Variants in PPA2 observed in about 807,000 individuals in gnomAD.
The protein encoded by PPA2 is inorganic pyrophosphatase 2.
PPA2 carries 48 observed loss-of-function variants against 49.5 expected under a neutral mutation model. That is an observed-to-expected ratio of 0.97 (90% confidence interval 0.77 to 1.23). The LOEUF is 1.23. PPA2 is among the 50% of genes most tolerant of loss of function. The probability of loss-of-function intolerance (pLI) is 0.00; values close to 1 mark genes in which losing one functional copy is unlikely to be tolerated. For missense variants in PPA2, 429 were observed against 410.1 expected, an observed-to-expected ratio of 1.05 and a Z score of -0.40; for synonymous variants, 131 against 139.9, an observed-to-expected ratio of 0.94 and a Z score of 0.45.
chr4:105,440,321 G>A (rs1222313003), intron 5 of PPA2, among the ~76,000 whole-genome samples: 1 of 69,848 alleles, frequency 1.4e-5, no homozygotes, highest in Non-Finnish European at 4.1e-5. Context: ...GAGTGCAGTG[G>A]CACGATCTTG....
intron 7 of PPA2, among the ~76,000 whole-genome samples, chr4:105,409,276 C>G (rs1033026718): frequency 1.9e-4 from 29 of 152,248 alleles, no homozygotes; most frequent in Admixed American, 1.6e-3. Flanking sequence ...AGGTCCCACA[C>G]CCACGGAGCC....
chr4:105,372,806 C>T (rs1430308356), intron 10 of PPA2, among the ~76,000 whole-genome samples: 1 of 152,184 alleles, frequency 6.6e-6, no homozygotes, highest in African/African-American at 2.4e-5. Context: ...TAATAAATCT[C>T]TTTCTGTATA....
At chr4:105,412,794 C>T (rs1180736480) in intron 7 of PPA2, among the ~76,000 whole-genome samples, 1 of 152,168 alleles carries the variant, frequency 6.6e-6, no homozygotes, top group Non-Finnish European at 1.5e-5. Context: ...TATCATCTCA[C>T]GCCAGTTAGA....
intron 9 of PPA2, among the ~76,000 whole-genome samples, chr4:105,390,200 A>G (rs754908471): frequency 2.0e-5 from 3 of 152,240 alleles, no homozygotes; most frequent in Non-Finnish European, 4.4e-5. Flanking sequence ...ACCCAAAACC[A>G]TACAAACCCT....
At chr4:105,468,028 G>T (rs1275073171) in intron 1 of PPA2, among the ~76,000 whole-genome samples, 1 of 152,202 alleles carries the variant, frequency 6.6e-6, no homozygotes, top group Non-Finnish European at 1.5e-5. Context: ...CAGAGCAACA[G>T]CAATGGTCAG....
chr4:105,433,130 T>A (rs546406756), intron 6 of PPA2, among the ~76,000 whole-genome samples: 3 of 152,220 alleles, frequency 2.0e-5, no homozygotes, highest in South Asian at 2.1e-4. Context: ...CCATTCTCAG[T>A]AAACAAAAAG....
rs1219410887 is a variant in PPA2 at position 105,382,981 on chromosome 4, C to T, written c.939+3586G>A. On this transcript the variant is annotated intron_variant, in intron 10 of 11. Transcript: ENST00000341695. The stretch of plus-strand genomic sequence containing the variant: ...TCATGCCACTGCACTCTAGCCTGGG[C>T]GGCAGAGCAAGACCCTGTGTCTCAA... Among the ~76,000 whole-genome samples the T allele has an allele frequency of 1.1e-4, 16 of 148,370 alleles. 1 individual carries two copies. In the South Asian group the frequency reaches 2.9e-3, roughly 27 times the overall value.
At chr4:105,396,367 A>C (rs1187267487) in intron 8 of PPA2, 33 bp from the exon 9 acceptor site, 3 of 1,422,472 alleles carry the variant, frequency 2.1e-6, no homozygotes, top group Non-Finnish European at 2.9e-6. Context: ...AAAAAGACGT[A>C]TTTAATATCA....
chr4:105,450,235 C>T (rs1035909718), intron 3 of PPA2, among the ~76,000 whole-genome samples: 3 of 152,128 alleles, frequency 2.0e-5, no homozygotes, highest in Non-Finnish European at 4.4e-5. Flanking sequence ...ACACTGTACT[C>T]CAAGTGTAGC....
chr4:105,452,195 T>C (rs1297342978), intron 3 of PPA2, among the ~76,000 whole-genome samples: 1 of 152,188 alleles, frequency 6.6e-6, no homozygotes, highest in African/African-American at 2.4e-5. Flanking sequence ...CCTGAAAATT[T>C]CAAATAAACT....
intron 1 of PPA2, among the ~76,000 whole-genome samples, chr4:105,466,362 T>A (rs932789042): frequency 6.6e-6 from 1 of 151,980 alleles, no homozygotes; most frequent in Non-Finnish European, 1.5e-5. Flanking sequence ...TCCCTGTTCC[T>A]ATGGAAATCA....
chr4:105,459,139 C>T (rs919865757), intron 1 of PPA2, among the ~76,000 whole-genome samples: 1 of 152,018 alleles, frequency 6.6e-6, no homozygotes, highest in Non-Finnish European at 1.5e-5. Flanking sequence ...ATTTCCCCAC[C>T]CTAGCAACAA....
In PPA2 at chr4:105,449,330, T is replaced by G; in HGVS notation, c.321+20A>C. 1 of 1,476,238 alleles carries G rather than the reference T, an allele frequency of 6.8e-7. No homozygotes were observed. Among genetic ancestry groups the G allele is most frequent in the Non-Finnish European group, 9.3e-7 (1 of 1,074,714 alleles). The allele number at this position is 1,476,238 out of a possible 1,614,324, so 91.4% of individuals were successfully genotyped here. On this transcript the variant is annotated intron_variant, in intron 4 of 11. Transcript: ENST00000341695. ...TCATTATAATCATTTCGGTTTCATA[T>G]TAATAAAGTATATCGGTACCTCCAT...
chr4:105,458,818 C>CAAA lies in PPA2; in HGVS notation c.158-2076_158-2074dup, dbSNP rs57073135. ...GCCTGGCGACACAAGACTCCACCTCCAAAAAAAAAAAAAAAAAAAAAAAAA... is the reference window on the plus strand; with the variant it reads ...GCCTGGCGACACAAGACTCCACCTCCAAAAAAAAAAAAAAAAAAAAAAAAAAAA... On this transcript the variant is annotated intron_variant, in intron 1 of 11. Transcript: ENST00000341695. Among the ~76,000 whole-genome samples the CAAA allele has an allele frequency of 1.6e-3, 50 of 31,526 alleles. 2 individuals carry two copies. The highest frequency in any genetic ancestry group is 2.1e-3 in the Non-Finnish European group (28 of 13,414). The allele number at this position is 31,526 out of a possible 152,430, so 20.7% of individuals were successfully genotyped here.
intron 10 of PPA2, among the ~76,000 whole-genome samples, chr4:105,381,433 T>C: frequency 6.6e-6 from 1 of 152,056 alleles, no homozygotes; most frequent in East Asian, 1.9e-4. Flanking sequence ...CTACTTCATA[T>C]ACATTTTAGA....
chr4:105,370,278 C>A lies in PPA2; in HGVS notation c.977-525G>T, dbSNP rs1433064948. Among the ~76,000 whole-genome samples, 4 of 152,188 alleles carry A rather than the reference C, an allele frequency of 2.6e-5. No homozygotes were observed. The East Asian group carries it at 5.8e-4, about 22-fold the overall frequency. ...CTTCCAAATCTGCAAGTTGAATGTT[C>A]TTCTAATATTTTATATTAAAACAAA... On this transcript the variant is annotated intron_variant, in intron 11 of 11. Transcript: ENST00000341695.
intron 9 of PPA2, among the ~76,000 whole-genome samples, chr4:105,392,682 A>AT (rs1733974495): frequency 6.6e-6 from 1 of 152,090 alleles, no homozygotes; most frequent in African/African-American, 2.4e-5. Flanking sequence ...CAAAAAAAAA[A>AT]AAAAGAAAAT....
chr4:105,377,448 ATAAAT>A (rs1183782127), intron 10 of PPA2, among the ~76,000 whole-genome samples: 1 of 152,198 alleles, frequency 6.6e-6, no homozygotes, highest in African/African-American at 2.4e-5. Flanking sequence ...AAAGATGTAA[ATAAAT>A]TAAAATTTGT....
chr4:105,407,562 C>T (rs1722540761), intron 7 of PPA2, among the ~76,000 whole-genome samples: 1 of 152,148 alleles, frequency 6.6e-6, no homozygotes, highest in African/African-American at 2.4e-5. Context: ...ACTTTATTCA[C>T]ATTAGCTGAA....
Sources: gnomAD v4.1 joint callset for allele counts (sites outside exome capture counted in the v4.1 genomes callset) on GRCh38, gnomAD v4.1.1 for gene constraint, MANE v1.5 for transcripts, NCBI Gene and HGNC (gene_info 2026-07-23, HGNC 2026-07-21) for gene names.